The following GUCY1A1 variants were observed in gnomAD, a reference collection of about 807,000 sequenced individuals.
The protein encoded by GUCY1A1 is guanylate cyclase 1 soluble subunit alpha 1, also known as guanylate cyclase soluble subunit alpha-1.
A neutral mutation model predicts 64.5 loss-of-function variants in GUCY1A1; 48 were observed. The observed-to-expected ratio is 0.74, with a 90% confidence interval of 0.59 to 0.95. The LOEUF (loss-of-function observed/expected upper bound fraction) is 0.95. GUCY1A1 is among the 40% of genes least tolerant of loss of function. GUCY1A1 has a pLI of 0.00. For synonymous variants in GUCY1A1, 308 were observed against 303.4 expected (o/e 1.02, Z -0.16); for missense variants, 804 against 825.3 (o/e 0.97, Z 0.32).
chr4:155,691,978 T>A (rs1226857058), intron 2 of GUCY1A1, among the ~76,000 whole-genome samples: 1 of 152,100 alleles, frequency 6.6e-6, no homozygotes, highest in African/African-American at 2.4e-5. Context: ...CCAGTGAGTG[T>A]TGTTCCCCTC....
In GUCY1A1 at chr4:155,697,044, T is replaced by C. The variant is rs1241326489; in HGVS notation, c.177T>C (p.Leu59=). The change falls in exon 3 of 10, where the codon CTT becomes CTC. Residue 59 remains leucine, a synonymous_variant. Transcript: ENST00000506455. ...CTGAGAAGAACATACAAGAAAGTCT[T>C]CCTCAAAGAAAAACCAGTCGGAGCC... ...DIPEKNIQES[L]PQRKTSRSRV... The C allele has an allele frequency of 3.1e-6, 5 of 1,613,092 alleles. No homozygotes were observed. In the African/African-American group the frequency reaches 5.3e-5, roughly 17 times the overall value.
At chr4:155,672,065 T>C (rs1198796695) in intron 2 of GUCY1A1, among the ~76,000 whole-genome samples, 1 of 152,134 alleles carries the variant, frequency 6.6e-6, no homozygotes, top group African/African-American at 2.4e-5. Flanking sequence ...GTATCTTTTT[T>C]GCACATTCTT....
chr4:155,725,947 A>G (rs1290625148), intron 9 of GUCY1A1, among the ~76,000 whole-genome samples: 2 of 152,072 alleles, frequency 1.3e-5, no homozygotes, highest in Non-Finnish European at 2.9e-5. Flanking sequence ...AAATTAGTAA[A>G]TTATAAAGTA....
chr4:155,708,876 G>T (rs1313444844), intron 5 of GUCY1A1, among the ~76,000 whole-genome samples: 1 of 151,996 alleles, frequency 6.6e-6, no homozygotes, highest in Non-Finnish European at 1.5e-5. Context: ...GTGCTATGAA[G>T]AGGGCACTAT....
chr4:155,679,706 C>T (rs949486225), intron 2 of GUCY1A1, among the ~76,000 whole-genome samples: 1 of 152,128 alleles, frequency 6.6e-6, no homozygotes, highest in African/African-American at 2.4e-5. Flanking sequence ...TTGGAAGGTT[C>T]GAATATCCAA....
At chr4:155,682,818 A>G (rs1023375061) in intron 2 of GUCY1A1, among the ~76,000 whole-genome samples, 1 of 152,136 alleles carries the variant, frequency 6.6e-6, no homozygotes, top group Admixed American at 6.6e-5. Context: ...TGATTGAATT[A>G]TAAATGGATC....
At chr4:155,677,744 T>C (rs760330676) in intron 2 of GUCY1A1, among the ~76,000 whole-genome samples, 1 of 151,836 alleles carries the variant, frequency 6.6e-6, no homozygotes, top group Non-Finnish European at 1.5e-5. Flanking sequence ...CCCAGCTACT[T>C]TGGAAACTGA....
In GUCY1A1 at chr4:155,732,868, T is replaced by C. The variant is rs1735697528; in HGVS notation, c.*2637T>C. On this transcript the variant is annotated 3_prime_UTR_variant, in exon 10 of 10. Transcript: ENST00000506455. ...TCATGGCTTCTTGTCCTGTTGTTTTTTGTGTCGAGTACACTATATAAATTA... is the reference window on the plus strand; with the variant it reads ...TCATGGCTTCTTGTCCTGTTGTTTTCTGTGTCGAGTACACTATATAAATTA... 6.6e-6 allele frequency among the ~76,000 whole-genome samples: 1 copy of C among 151,906 alleles called. No individual in the cohort carries two copies. Among genetic ancestry groups the C allele is most frequent in the Admixed American group, 6.6e-5 (1 of 15,210 alleles).
At chr4:155,677,581 T>A (rs529314877) in intron 2 of GUCY1A1, among the ~76,000 whole-genome samples, 1 of 152,306 alleles carries the variant, frequency 6.6e-6, no homozygotes, top group African/African-American at 2.4e-5. Flanking sequence ...CCGGGCACCG[T>A]GGCTCACACT....
chr4:155,705,963 T>C (rs1731705316), intron 4 of GUCY1A1, among the ~76,000 whole-genome samples: 1 of 152,220 alleles, frequency 6.6e-6, no homozygotes, highest in Admixed American at 6.5e-5. Flanking sequence ...AGTCTCTCAC[T>C]GTGCTACTGT....
chr4:155,671,178 G>A (rs1734098863), intron 2 of GUCY1A1, among the ~76,000 whole-genome samples: 1 of 152,102 alleles, frequency 6.6e-6, no homozygotes. Flanking sequence ...TATGGTCTTG[G>A]TGACAGAGAC....
chr4:155,676,630 A>C (rs1734990165), intron 2 of GUCY1A1, among the ~76,000 whole-genome samples: 1 of 151,424 alleles, frequency 6.6e-6, no homozygotes, highest in Admixed American at 6.6e-5. Context: ...GCGTGTGTTA[A>C]AACTCATTTT....
Position 155,722,066 on chromosome 4 carries a change from T to G in GUCY1A1, c.1745T>G (p.Val582Gly). ...CGAATTGGACTGCACTCTGGATCAG[T>G]TTTTGCTGGCGTCGTTGGAGTTAAA... ...KMRIGLHSGS[V>G]FAGVVGVKMP... Residue 582 changes from valine to glycine, a missense_variant, in exon 9 of 10, where the codon GTT becomes GGT. Val to Gly is a moderately radical substitution (Grantham distance 109). Transcript: ENST00000506455. 6.2e-7 allele frequency: 1 copy of G among 1,613,326 alleles called. No homozygotes were observed. Among genetic ancestry groups the G allele is most frequent in the South Asian group, 1.1e-5 (1 of 91,028 alleles).
rs190592495 is a variant in GUCY1A1, at chr4:155,736,492, G to A, written c.*6261G>A. On this transcript the variant is annotated 3_prime_UTR_variant, in exon 10 of 10. Transcript: ENST00000506455. ...GTACCATAGACCATATTGTCTAGAT[G>A]GGACAAAATAATAAATTTTGACTAA... 1.5e-4 allele frequency: 23 copies of A among 151,994 alleles called. No individual in the cohort carries two copies. Among genetic ancestry groups the A allele is most frequent in the African/African-American group, 5.5e-4 (23 of 41,470 alleles). The allele number at this position is 151,994 out of a possible 1,614,324, so 9.4% of individuals were successfully genotyped here.
At chr4:155,691,747 G>A (rs1729768985) in intron 2 of GUCY1A1, among the ~76,000 whole-genome samples, 1 of 151,984 alleles carries the variant, frequency 6.6e-6, no homozygotes, top group Non-Finnish European at 1.5e-5. Flanking sequence ...TAATTTTTAG[G>A]CTTGCCTCTT....
intron 9 of GUCY1A1, among the ~76,000 whole-genome samples, chr4:155,722,789 C>T (rs1734139726): frequency 6.6e-6 from 1 of 152,080 alleles, no homozygotes; most frequent in South Asian, 2.1e-4. Flanking sequence ...AATGAAGAAA[C>T]AGTTTGGGTA....
chr4:155,723,865 G>T (rs1034957683), intron 9 of GUCY1A1, among the ~76,000 whole-genome samples: 43 of 152,024 alleles, frequency 2.8e-4, no homozygotes, highest in African/African-American at 9.4e-4. Context: ...GTTTTGCCGT[G>T]TTGGCCAGGC....
Position 155,717,200 on chromosome 4 carries a change from A to G in GUCY1A1, c.1614A>G (p.Leu538=). The change falls in exon 8 of 10, where the codon TTA becomes TTG. Residue 538 remains leucine, a synonymous_variant. Coordinates refer to ENST00000506455, the MANE Select transcript of GUCY1A1 (RefSeq NM_001130682.3). ...ATGCCTATTGTGTAGCTGGGGGATT[A>G]CACAAAGAGAGTGATACTCATGCTG... The part of the protein sequence containing the change: ...IGDAYCVAGG[L]HKESDTHAVQ... The G allele has an allele frequency of 6.4e-7, 1 of 1,563,528 alleles. No homozygotes were observed. Among genetic ancestry groups the G allele is most frequent in the Non-Finnish European group, 8.7e-7 (1 of 1,148,794 alleles).
chr4:155,680,460 ATGTGTGTG>A (rs59517530), intron 2 of GUCY1A1, among the ~76,000 whole-genome samples: 1 of 149,520 alleles, frequency 6.7e-6, no homozygotes, highest in Admixed American at 6.7e-5. Context: ...TTTTAAGTAT[ATGTGTGTG>A]TGTGTGTGTG....
Sources: allele counts gnomAD v4.1 joint callset (sites outside exome capture counted in the v4.1 genomes callset), GRCh38; gene constraint gnomAD v4.1.1; transcripts MANE v1.5; gene names NCBI Gene and HGNC (gene_info 2026-07-23, HGNC 2026-07-21).